The following TMEM108 variants were observed in gnomAD, a reference collection of about 807,000 sequenced individuals.
TMEM108 encodes the protein cancer/testis antigen 124.
Under a neutral mutation model 35.1 loss-of-function variants are expected in TMEM108, and 12 were observed. That is an observed-to-expected ratio of 0.34 (90% CI 0.22 to 0.55). TMEM108 has a LOEUF of 0.55. TMEM108 is among the 20% of genes least tolerant of loss of function. The pLI is 0.89. For missense variants in TMEM108, 680 were observed against 753.3 expected, an observed-to-expected ratio of 0.90 and a Z score of 1.14; for synonymous variants, 287 against 308.6, an observed-to-expected ratio of 0.93 and a Z score of 0.73.
At chr3:133,161,691 T>G (rs1944963886) in intron 2 of TMEM108, among the ~76,000 whole-genome samples, 1 of 149,228 alleles carries the variant, frequency 6.7e-6, no homozygotes, top group Non-Finnish European at 1.5e-5. Flanking sequence ...TAACTTTTAC[T>G]CATTCCCTCA....
rs79770262 is a variant in TMEM108 at position 133,253,439 on chromosome 3, T to A, written c.40+24088T>A. On this transcript the variant is annotated intron_variant, in intron 3 of 5. Coordinates refer to ENST00000321871, the MANE Select transcript of TMEM108 (RefSeq NM_023943.4). ...TCTGATTCTAGAATTCTTAAATGGATGTATGTTTTTGCCCTAAAAAAACAA... is the reference window on the plus strand; with the variant it reads ...TCTGATTCTAGAATTCTTAAATGGAAGTATGTTTTTGCCCTAAAAAAACAA... The A allele has an allele frequency of 8.5e-5, 13 of 152,274 alleles. No individual in the cohort carries two copies. The East Asian group carries it at 2.5e-3, about 29-fold the overall frequency. The allele number at this position is 152,274 out of a possible 1,614,324, so 9.4% of individuals were successfully genotyped here. A position where few individuals can be genotyped will look rare whatever the true frequency, so the allele number is the denominator to read the frequency against.
intron 2 of TMEM108, among the ~76,000 whole-genome samples, chr3:133,086,798 G>A (rs1019296162): frequency 6.6e-6 from 1 of 152,202 alleles, no homozygotes; most frequent in African/African-American, 2.4e-5. Flanking sequence ...AGAGCTCTTT[G>A]TCCACTATGG....
chr3:133,200,067 A>C (rs557736376), intron 2 of TMEM108, among the ~76,000 whole-genome samples: 3 of 152,196 alleles, frequency 2.0e-5, no homozygotes, highest in East Asian at 1.9e-4. Flanking sequence ...CCTCCAAGCC[A>C]GGCACGGGAT....
chr3:133,104,524 C>G (rs1272620926), intron 2 of TMEM108, among the ~76,000 whole-genome samples: 13 of 152,068 alleles, frequency 8.5e-5, no homozygotes, highest in African/African-American at 3.1e-4. Context: ...TTTGCTTTCT[C>G]CCAAAGGGTG....
chr3:133,062,650 A>G (rs900047673), intron 2 of TMEM108, among the ~76,000 whole-genome samples: 1 of 152,224 alleles, frequency 6.6e-6, no homozygotes, highest in Admixed American at 6.5e-5. Context: ...AAATCTGGTG[A>G]TGTTACTTAA....
At chr3:133,159,850 T>C (rs1290077325) in intron 2 of TMEM108, among the ~76,000 whole-genome samples, 1 of 152,250 alleles carries the variant, frequency 6.6e-6, no homozygotes, top group Admixed American at 6.5e-5. Context: ...TTTCACTTTT[T>C]CTGAAATTTT....
At position 133,186,729 on chromosome 3, in the gene TMEM108, G is replaced by A. The variant is rs527274420; in HGVS notation, c.-46-42537G>A. On this transcript the variant is annotated intron_variant, in intron 2 of 5. Transcript: ENST00000321871. Reference sequence around the variant, plus strand: ...AACCTTGGCAAAAGCTTTTCTAATTGTAGGTTTCAAGTCTTTAAGAATAAT... The same window carrying A: ...AACCTTGGCAAAAGCTTTTCTAATTATAGGTTTCAAGTCTTTAAGAATAAT... Among the ~76,000 whole-genome samples, 5 of 152,292 alleles carry A rather than the reference G, an allele frequency of 3.3e-5. No individual in the cohort carries two copies. The East Asian group carries it at 9.6e-4, about 29-fold the overall frequency.
intron 3 of TMEM108, among the ~76,000 whole-genome samples, chr3:133,325,725 TA>T (rs1334221513): frequency 6.7e-6 from 1 of 149,134 alleles, no homozygotes; most frequent in East Asian, 1.9e-4. Context: ...ATAATATATA[TA>T]AAAAATAATA....
intron 3 of TMEM108, among the ~76,000 whole-genome samples, chr3:133,290,272 A>C (rs941277861): frequency 6.6e-6 from 1 of 152,140 alleles, no homozygotes; most frequent in Non-Finnish European, 1.5e-5. Flanking sequence ...CCACTTAGCT[A>C]TCTCTCTCTT....
intron 3 of TMEM108, among the ~76,000 whole-genome samples, chr3:133,334,978 C>T: frequency 6.6e-6 from 1 of 152,042 alleles, no homozygotes; most frequent in East Asian, 1.9e-4. Flanking sequence ...TGATAAATTT[C>T]TTATTTTACA....
chr3:133,244,294 G>C (rs1946354420), intron 3 of TMEM108, among the ~76,000 whole-genome samples: 1 of 152,148 alleles, frequency 6.6e-6, no homozygotes, highest in South Asian at 2.1e-4. Context: ...CCATCTCTCT[G>C]AATATAAAGT....
intron 3 of TMEM108, among the ~76,000 whole-genome samples, chr3:133,306,547 T>G (rs1342982380): frequency 6.6e-6 from 1 of 151,920 alleles, no homozygotes; most frequent in Non-Finnish European, 1.5e-5. Context: ...TCCCAGTGTG[T>G]GATGTTCACC....
intron 3 of TMEM108, among the ~76,000 whole-genome samples, chr3:133,279,074 C>T (rs1946876228): frequency 6.6e-6 from 1 of 152,170 alleles, no homozygotes; most frequent in Non-Finnish European, 1.5e-5. Flanking sequence ...TAGTGTTTTG[C>T]CTATTCAGAC....
chr3:133,389,063 A>G (rs1038389145), intron 4 of TMEM108: 1 of 985,312 alleles, frequency 1.0e-6, no homozygotes, highest in Non-Finnish European at 1.2e-6. Context: ...CTGGGGCAGG[A>G]TATACTCAGT....
At chr3:133,317,194 A>T (rs922430047) in intron 3 of TMEM108, among the ~76,000 whole-genome samples, 3 of 152,174 alleles carry the variant, frequency 2.0e-5, no homozygotes, top group Non-Finnish European at 4.4e-5. Context: ...TAATTCAATG[A>T]TACGGACGTT....
intron 2 of TMEM108, among the ~76,000 whole-genome samples, chr3:133,176,162 A>G (rs1945224751): frequency 6.6e-6 from 1 of 152,220 alleles, no homozygotes; most frequent in African/African-American, 2.4e-5. Flanking sequence ...GAGCACCCAG[A>G]TTCATAAAGC....
intron 3 of TMEM108, among the ~76,000 whole-genome samples, chr3:133,331,813 C>T (rs758014485): frequency 2.4e-4 from 37 of 152,166 alleles, no homozygotes; most frequent in Admixed American, 3.9e-4. Context: ...GGGGAGGCCT[C>T]AAGACCCAAG....
chr3:133,165,564 T>C (rs966667809), intron 2 of TMEM108, among the ~76,000 whole-genome samples: 1 of 152,270 alleles, frequency 6.6e-6, no homozygotes, highest in Non-Finnish European at 1.5e-5. Flanking sequence ...TGCAGGTTTA[T>C]GTGTGTTTCA....
At chr3:133,083,389 G>A (rs970177540) in intron 2 of TMEM108, among the ~76,000 whole-genome samples, 1 of 152,080 alleles carries the variant, frequency 6.6e-6, no homozygotes, top group Non-Finnish European at 1.5e-5. Flanking sequence ...GCCCATACAT[G>A]GCACATGGAC....
Sources: allele counts gnomAD v4.1 joint callset (sites outside exome capture counted in the v4.1 genomes callset), GRCh38; gene constraint gnomAD v4.1.1; transcripts MANE v1.5; gene names NCBI Gene and HGNC (gene_info 2026-07-23, HGNC 2026-07-21).